ANKRD18A: variants seen among roughly 807,000 people sequenced by gnomAD.
ANKRD18A encodes ankyrin repeat domain-containing protein 18A.
A neutral mutation model predicts 110.6 loss-of-function variants in ANKRD18A; 72 were observed. The ratio of observed to expected loss-of-function variants is 0.65; its 90% CI spans 0.54 to 0.79. ANKRD18A has a LOEUF of 0.79. Ranked by LOEUF, ANKRD18A falls within the 30% of genes least tolerant of loss-of-function variation. The pLI is 0.00. For synonymous variants in ANKRD18A, 305 were observed against 410.3 expected, an observed-to-expected ratio of 0.74 and a Z score of 3.10; for missense variants, 934 against 1,163.3, an observed-to-expected ratio of 0.80 and a Z score of 2.87.
chr9:38,597,600 CA>C (rs1023778341), intron 8 of ANKRD18A, among the ~76,000 whole-genome samples: 29 of 152,228 alleles, frequency 1.9e-4, no homozygotes, highest in African/African-American at 7.0e-4. Flanking sequence ...AGGGAAGATA[CA>C]ATTACATATT....
chr9:38,598,668 C>T (rs1208635315), intron 8 of ANKRD18A, among the ~76,000 whole-genome samples: 4 of 152,144 alleles, frequency 2.6e-5, no homozygotes, highest in Non-Finnish European at 5.9e-5. Flanking sequence ...GAGAATAACT[C>T]ACATTTTCTA....
chr9:38,586,268 A>T lies in ANKRD18A; in HGVS notation c.2162T>A (p.Phe721Tyr). Residue 721 changes from phenylalanine to tyrosine, a missense_variant, in exon 12 of 16, where the codon TTT becomes TAT. By Grantham distance (22) the Phe-to-Tyr change is conservative. Coordinates refer to ENST00000399703, the MANE Select transcript of ANKRD18A (RefSeq NM_147195.4). ...LEMTINMLNAFANEDFSCHGD... is the reference protein window; with the variant it reads ...LEMTINMLNAYANEDFSCHGD... ...ATGGCAACTGAAGTCCTCATTTGCA[A>T]ATGCATTTAACATATTTATTGTCAT... 6.2e-7 allele frequency: 1 copy of T among 1,604,506 alleles called. No individual in the cohort carries two copies.
At chr9:38,574,150 A>G (rs1050135696) in intron 15 of ANKRD18A, among the ~76,000 whole-genome samples, 3 of 152,200 alleles carry the variant, frequency 2.0e-5, no homozygotes, top group African/African-American at 7.2e-5. Flanking sequence ...GAGAGCAAAC[A>G]AGATATTTGG....
chr9:38,583,665 G>C (rs1358208265), intron 12 of ANKRD18A, among the ~76,000 whole-genome samples: 1 of 152,168 alleles, frequency 6.6e-6, no homozygotes, highest in Non-Finnish European at 1.5e-5. Context: ...TGGGATTACA[G>C]GTGTGAGCCA....
chr9:38,614,143 C>T (rs1024422182), intron 3 of ANKRD18A, among the ~76,000 whole-genome samples: 8 of 147,890 alleles, frequency 5.4e-5, no homozygotes, highest in African/African-American at 7.5e-5. Flanking sequence ...TTTCTTATGT[C>T]TTTGACATAC....
At chr9:38,591,495 G>A (rs893826944) in intron 10 of ANKRD18A, among the ~76,000 whole-genome samples, 5 of 152,246 alleles carry the variant, frequency 3.3e-5, no homozygotes, top group African/African-American at 1.2e-4. Flanking sequence ...AGTATGTGGT[G>A]CATGGTGAGC....
Position 38,587,629 on chromosome 9 carries a change from A to G in ANKRD18A, c.2117+922T>C, listed in dbSNP as rs191572244. Among the ~76,000 whole-genome samples, 1,188 of 152,336 alleles carry G rather than the reference A, an allele frequency of 7.8e-3. 14 individuals carry two copies. Among genetic ancestry groups the G allele is most frequent in the South Asian group, 0.043 (206 of 4,828 alleles). On this transcript the variant is annotated intron_variant, in intron 11 of 15. Transcript: ENST00000399703. ...ATCAAGATAAATTTTGATGTTAAAG[A>G]AGGACACAAATAGGTCTTTAAAAAA...
intron 11 of ANKRD18A, among the ~76,000 whole-genome samples, chr9:38,588,211 G>A (rs1765383): frequency 2.0e-5 from 3 of 151,640 alleles, no homozygotes; most frequent in Admixed American, 6.6e-5. Flanking sequence ...TCCCAATCTC[G>A]CCCCAGCAGC....
chr9:38,620,586 T>A lies in ANKRD18A; in HGVS notation c.-301A>T. ...GCCTGAACCTCAGCGCTCCGAACTC[T>A]CAGACCGAGTGAGTCCCCGCGATGC... On this transcript the variant is annotated 5_prime_UTR_variant, in exon 1 of 16. Coordinates refer to ENST00000399703, the MANE Select transcript of ANKRD18A (RefSeq NM_147195.4). The A allele has an allele frequency of 2.4e-6, 2 of 826,270 alleles. No individual in the cohort carries two copies. The allele number at this position is 826,270 out of a possible 1,614,324, so 51.2% of individuals were successfully genotyped here.
rs150333794 is a variant in ANKRD18A, at chr9:38,596,275, A to G, written c.1065T>C (p.Tyr355=). The G allele has an allele frequency of 1.4e-3, 2,163 of 1,540,440 alleles. 21 individuals are homozygous for G. The African/African-American group carries it at 0.024, about 17-fold the overall frequency. The change falls in exon 9 of 16, where the codon TAT becomes TAC. Residue 355 remains tyrosine (Y), a synonymous_variant. Transcript: ENST00000399703. ...KNDSLRKEKK[Y]IQEIKSITEI... ...CTGTAATGCTTTTAATTTCCTGAATATATTTCTTTTCCTTTCTGAGACTGT... is the reference window on the plus strand; with the variant it reads ...CTGTAATGCTTTTAATTTCCTGAATGTATTTCTTTTCCTTTCTGAGACTGT...
At chr9:38,606,605 A>G (rs1232187453) in intron 6 of ANKRD18A, among the ~76,000 whole-genome samples, 1 of 152,168 alleles carries the variant, frequency 6.6e-6, no homozygotes, top group African/African-American at 2.4e-5. Context: ...TTTCCAGTCA[A>G]TGGTAGGTTA....
chr9:38,620,210 G>C lies in ANKRD18A; in HGVS notation c.76C>G (p.Pro26Ala). ...TCCCAGTCCCGAATGTCGTAACCCG[G>C]ACCCGCATACTCTTGGTCCATGGAG... Reference protein sequence around the residue: ...LSSMDQEYAGPGYDIRDWELR... With the variant: ...LSSMDQEYAGAGYDIRDWELR... The change falls in exon 1 of 16, where the codon CCG becomes GCG. Residue 26 changes from proline (P) to alanine (A), a missense_variant. By Grantham distance (27) the Pro-to-Ala change is conservative. Transcript: ENST00000399703. 6.4e-7 allele frequency: 1 copy of C among 1,552,490 alleles called. No homozygotes were observed. Among genetic ancestry groups the C allele is most frequent in the South Asian group, 1.2e-5 (1 of 84,094 alleles).
chr9:38,603,856 G>C (rs897402679), intron 6 of ANKRD18A, among the ~76,000 whole-genome samples: 57 of 152,174 alleles, frequency 3.7e-4, no homozygotes, highest in African/African-American at 1.3e-3. Flanking sequence ...TCTTGCTGGA[G>C]AATCACAAAT....
Position 38,572,907 on chromosome 9 carries a change from A to G in ANKRD18A, c.2965-848T>C, listed in dbSNP as rs566216907. 8.0e-4 allele frequency: 256 copies of G among 320,036 alleles called. 4 individuals are homozygous for G. The highest frequency in any genetic ancestry group is 5.2e-3 in the African/African-American group (243 of 46,760). 19.8% of individuals were successfully genotyped at this position (320,036 alleles called of 1,614,324 possible). ...ATGGAACATGATGAATTAATGATGC[A>G]TAAGTATACTCTTCACTGTGAAAGT... is the stretch of plus-strand genomic sequence containing the variant. On this transcript the variant is annotated intron_variant, in intron 15 of 15. Coordinates refer to ENST00000399703, the MANE Select transcript of ANKRD18A (RefSeq NM_147195.4).
At chr9:38,583,206 C>T (rs1445482036) in intron 12 of ANKRD18A, among the ~76,000 whole-genome samples, 1 of 152,144 alleles carries the variant, frequency 6.6e-6, no homozygotes, top group African/African-American at 2.4e-5. Flanking sequence ...AGCCCTTATC[C>T]AATGCTGCCG....
chr9:38,610,178 A>G (rs1347478884), intron 5 of ANKRD18A, 95 bp downstream of exon 5: 3 of 1,405,020 alleles, frequency 2.1e-6, no homozygotes, highest in Non-Finnish European at 2.8e-6. Flanking sequence ...ACCTCAACCA[A>G]ACTATGAACT....
rs773336450 is a variant in ANKRD18A, at chr9:38,593,779, A to T, written c.1985T>A (p.Leu662Ter). 1 of 1,530,042 alleles carries T rather than the reference A, an allele frequency of 6.5e-7. No homozygotes were observed. The highest frequency in any genetic ancestry group is 8.8e-7 in the Non-Finnish European group (1 of 1,139,620). The allele number at this position is 1,530,042 out of a possible 1,614,324, so 94.8% of individuals were successfully genotyped here. ...LNETWTSKKK[L>*]FQVEIQPEEK... ...ACATACTTGAATTTCTACTTGAAATAATTTCTTCTTTGAAGTCCATGTCTC... is the reference window on the plus strand; with the variant it reads ...ACATACTTGAATTTCTACTTGAAATTATTTCTTCTTTGAAGTCCATGTCTC... The change falls in exon 10 of 16, where the codon TTA becomes TAA. Residue 662 changes from leucine to a stop codon, truncating the protein, a stop_gained. Coordinates refer to ENST00000399703, the MANE Select transcript of ANKRD18A (RefSeq NM_147195.4). LOFTEE classifies it high-confidence loss of function.
intron 10 of ANKRD18A, among the ~76,000 whole-genome samples, chr9:38,590,047 C>A (rs899497653): frequency 1.1e-4 from 16 of 152,074 alleles, no homozygotes; most frequent in African/African-American, 3.6e-4. Context: ...TATGTTGATT[C>A]TTATGGATGT....
At position 38,615,712 on chromosome 9, in the gene ANKRD18A, T is replaced by C. The variant is rs755280627; in HGVS notation, c.377A>G (p.Asn126Ser). ...CAIVLLECGANPNIEDIYGNT... is the reference protein window; with the variant it reads ...CAIVLLECGASPNIEDIYGNT... ...GCCGTAGATATCCTCAATGTTTGGA[T>C]TGGCGCCACATTCCAGGAGAACGAT... is the stretch of plus-strand genomic sequence containing the variant. Residue 126 changes from asparagine (N) to serine (S), a missense_variant, in exon 3 of 16, where the codon AAT becomes AGT. Transcript: ENST00000399703. 2.4e-5 allele frequency: 38 copies of C among 1,612,786 alleles called. No individual in the cohort carries two copies. The Middle Eastern group carries it at 5.8e-4, about 25-fold the overall frequency.
Sources: allele counts gnomAD v4.1 joint callset (sites outside exome capture counted in the v4.1 genomes callset), GRCh38; gene constraint gnomAD v4.1.1; transcripts MANE v1.5; gene names NCBI Gene and HGNC (gene_info 2026-07-23, HGNC 2026-07-21).